The following KIAA0586 variants were observed in gnomAD, a reference collection of about 807,000 sequenced individuals.
KIAA0586 encodes KIAA0586, also known as protein TALPID3.
In KIAA0586, 144 loss-of-function variants were observed where a neutral mutation model predicts 169.8. The observed-to-expected ratio is 0.85, with a 90% CI of 0.74 to 0.97. The LOEUF is 0.97. Among genes scored for constraint, KIAA0586 ranks in the 50% least tolerant of loss-of-function variants. The probability of loss-of-function intolerance (pLI) is 0.00; values close to 1 mark genes in which losing one functional copy is unlikely to be tolerated. For synonymous variants in KIAA0586, 625 were observed against 612.4 expected (o/e 1.02, Z -0.30); for missense variants, 1,854 against 1,823.0 (o/e 1.02, Z -0.31).
rs2040012235 is a variant in KIAA0586, at chr14:58,457,942, G to A, written c.1546G>A (p.Ala516Thr). Reference protein sequence around the residue: ...EAIIRAKDGAAMYSLINALST... With the variant: ...EAIIRAKDGATMYSLINALST... ...TATTATTCGTGCAAAAGATGGAGCT[G>A]CCATGTATTCGCTTATCAATGCTTT... The change falls in exon 11 of 31, where the codon GCC becomes ACC. Residue 516 changes from alanine to threonine, a missense_variant. By Grantham distance (58) the Ala-to-Thr change is moderately conservative. Transcript: ENST00000652326. 1.9e-6 allele frequency: 3 copies of A among 1,601,378 alleles called. No homozygotes were observed. In the African/African-American group the frequency reaches 4.0e-5, roughly 21 times the overall value.
chr14:58,451,346 C>T (rs1226057583), intron 8 of KIAA0586, among the ~76,000 whole-genome samples: 1 of 152,220 alleles, frequency 6.6e-6, no homozygotes, highest in East Asian at 1.9e-4. Flanking sequence ...CCCACTTCAG[C>T]CTCCTGAGTA....
intron 24 of KIAA0586, among the ~76,000 whole-genome samples, chr14:58,489,589 C>G (rs1296811925): frequency 6.6e-6 from 1 of 151,704 alleles, no homozygotes; most frequent in African/African-American, 2.4e-5. Flanking sequence ...CCATATTTTT[C>G]TTATTTTTCT....
At chr14:58,516,433 G>A (rs1040104896) in intron 29 of KIAA0586, among the ~76,000 whole-genome samples, 4 of 152,186 alleles carry the variant, frequency 2.6e-5, no homozygotes, top group Admixed American at 6.6e-5. Flanking sequence ...CACTCCTGGC[G>A]GAGAAGAAGG....
intron 30 of KIAA0586, among the ~76,000 whole-genome samples, chr14:58,543,136 A>AC (rs1158796016): frequency 6.6e-6 from 1 of 151,254 alleles, no homozygotes; most frequent in Non-Finnish European, 1.5e-5. Flanking sequence ...CGTCTCAAAA[A>AC]AAAAAAAAAA....
chr14:58,539,860 G>T, intron 29 of KIAA0586: 5 of 391,472 alleles, frequency 1.3e-5, no homozygotes, highest in South Asian at 6.0e-5. Flanking sequence ...ATAATAATCC[G>T]TTAAAGTATT....
intron 26 of KIAA0586, 140 bp downstream of exon 26, chr14:58,492,415 A>G (rs1324902925): frequency 2.7e-5 from 17 of 636,456 alleles, no homozygotes; most frequent in African/African-American, 1.1e-4. Context: ...ACTTGGAATC[A>G]TGGAACTGTA....
intron 20 of KIAA0586, among the ~76,000 whole-genome samples, chr14:58,480,993 T>A (rs570866658): frequency 6.6e-6 from 1 of 152,224 alleles, no homozygotes; most frequent in Non-Finnish European, 1.5e-5. Context: ...TTTGGGACCT[T>A]ATAAAAACGA....
intron 4 of KIAA0586, chr14:58,439,951 CCTT>C (rs2038162154): frequency 1.9e-5 from 6 of 313,600 alleles, no homozygotes; most frequent in Admixed American, 1.8e-4. Context: ...AATTGGCTAG[CCTT>C]CTTTTTTCTT....
At chr14:58,454,568 A>G (rs541273365) in intron 9 of KIAA0586, among the ~76,000 whole-genome samples, 4 of 152,248 alleles carry the variant, frequency 2.6e-5, no homozygotes, top group African/African-American at 9.6e-5. Context: ...AGGACTCCTG[A>G]TAGTATTTCT....
chr14:58,537,089 G>A (rs893944120), intron 29 of KIAA0586: 13 of 1,228,204 alleles, frequency 1.1e-5, no homozygotes, highest in South Asian at 2.9e-5. Context: ...GTTGTAGGCC[G>A]TGTTTGCTGT....
chr14:58,494,953 T>C (rs1022343725), intron 26 of KIAA0586, among the ~76,000 whole-genome samples: 1 of 152,164 alleles, frequency 6.6e-6, no homozygotes, highest in South Asian at 2.1e-4. Context: ...CTTTTCTCCA[T>C]TCATTCCTCT....
chr14:58,453,282 G>T lies in KIAA0586; in HGVS notation c.1130-68G>T, dbSNP rs370068973. On this transcript the variant is annotated intron_variant, in intron 8 of 30. Transcript: ENST00000652326. Reference sequence around the variant, plus strand: ...CTAACTTAGGCCAGAATACAAATATGTGAGATATTATATACAAGAGAAATG... The same window carrying T: ...CTAACTTAGGCCAGAATACAAATATTTGAGATATTATATACAAGAGAAATG... The T allele has an allele frequency of 4.7e-6, 4 of 854,694 alleles. No individual in the cohort carries two copies. In the African/African-American group the frequency reaches 7.3e-5, roughly 16 times the overall value. The allele number at this position is 854,694 out of a possible 1,614,324, so 52.9% of individuals were successfully genotyped here. A position where few individuals can be genotyped will look rare whatever the true frequency, so the allele number is the denominator to read the frequency against.
chr14:58,477,988 A>T (rs1345033159), intron 20 of KIAA0586, among the ~76,000 whole-genome samples: 1 of 151,840 alleles, frequency 6.6e-6, no homozygotes, highest in East Asian at 1.9e-4. Flanking sequence ...CACCACTTCT[A>T]AGTGTACAGT....
At chr14:58,552,045 A>G (rs965081472), downstream of KIAA0586, among the ~76,000 whole-genome samples, 1 of 152,186 alleles carries the variant, frequency 6.6e-6, no homozygotes, top group African/African-American at 2.4e-5. Context: ...AGGATTTGTC[A>G]TTCCTGCTTT....
intron 29 of KIAA0586, 44 bp downstream of exon 29, chr14:58,512,671 T>A: frequency 9.9e-7 from 1 of 1,006,662 alleles, no homozygotes; most frequent in Non-Finnish European, 1.4e-6. Context: ...TTGATACTTG[T>A]CTGAATATTG....
intron 29 of KIAA0586, among the ~76,000 whole-genome samples, chr14:58,527,099 A>C (rs1566943064): frequency 1.3e-5 from 2 of 152,090 alleles, no homozygotes; most frequent in Non-Finnish European, 2.9e-5. Flanking sequence ...GGAAGAAAGG[A>C]TATCAGAGAT....
In KIAA0586 at chr14:58,459,983, A is replaced by T. The variant is rs556030955; in HGVS notation, c.1797A>T (p.Lys599Asn). Reference protein sequence around the residue: ...KTVNKSVIPRKHSQKQIEEHF... With the variant: ...KTVNKSVIPRNHSQKQIEEHF... ...TCAACAAATCTGTAATTCCAAGAAA[A>T]CATTCTCAAAAGCAAATAGAAGAGC... The change falls in exon 13 of 31, where the codon AAA becomes AAT. Residue 599 changes from lysine to asparagine, a missense_variant. Coordinates refer to ENST00000652326, the MANE Select transcript of KIAA0586 (RefSeq NM_001329943.3). The T allele has an allele frequency of 1.0e-5, 16 of 1,534,812 alleles. No homozygotes were observed. In the South Asian group the frequency reaches 1.8e-4, roughly 17 times the overall value.
chr14:58,548,331 G>C lies in KIAA0586; in HGVS notation c.*399G>C, dbSNP rs1289707456. The C allele has an allele frequency of 6.3e-6, 1 of 158,576 alleles. No individual in the cohort carries two copies. The highest frequency in any genetic ancestry group is 1.4e-5 in the Non-Finnish European group (1 of 72,546). 9.8% of individuals were successfully genotyped at this position (158,576 alleles called of 1,614,324 possible). ...CTATCAATAATAGACTGGTTTTAAAGTGATGGTACATCAGTACAATGGAAT... is the reference window on the plus strand; with the variant it reads ...CTATCAATAATAGACTGGTTTTAAACTGATGGTACATCAGTACAATGGAAT... On this transcript the variant is annotated 3_prime_UTR_variant, in exon 31 of 31. Coordinates refer to ENST00000652326, the MANE Select transcript of KIAA0586 (RefSeq NM_001329943.3).
chr14:58,498,797 T>G lies in KIAA0586; in HGVS notation c.4005T>G (p.Ser1335Arg). 4 of 1,600,898 alleles carry G rather than the reference T, an allele frequency of 2.5e-6. No individual in the cohort carries two copies. Among genetic ancestry groups the G allele is most frequent in the Non-Finnish European group, 3.4e-6 (4 of 1,175,160 alleles). ...GCTTTTTAAAGGACTTGGAAAACAG[T>G]GTGGGTGAACTTAGTGAAGGACAAA... ...AVYHSEDLEN[S>R]VGELSEGQRP... Residue 1335 changes from serine to arginine, a missense_variant, in exon 27 of 31, where the codon AGT becomes AGG. By Grantham distance (110) the Ser-to-Arg change is moderately radical. Transcript: ENST00000652326.
Sources: allele counts gnomAD v4.1 joint callset (sites outside exome capture counted in the v4.1 genomes callset), GRCh38; gene constraint gnomAD v4.1.1; transcripts MANE v1.5; gene names NCBI Gene and HGNC (gene_info 2026-07-23, HGNC 2026-07-21).